Variants in ZMIZ1 observed in about 807,000 individuals in gnomAD.
ZMIZ1 encodes the protein zinc finger MIZ domain-containing protein 1.
A neutral mutation model predicts 113.9 loss-of-function variants in ZMIZ1; 17 were observed. The ratio of observed to expected loss-of-function variants is 0.15; its 90% confidence interval spans 0.10 to 0.22. The LOEUF (loss-of-function observed/expected upper bound fraction) is 0.22, where lower values mean the gene tolerates loss of function less well. Among genes scored for constraint, ZMIZ1 ranks in the 10% least tolerant of loss-of-function variants. The pLI is 1.00. For missense variants in ZMIZ1, 1,059 were observed against 1,477.8 expected (o/e 0.72, Z 4.65); for synonymous variants, 607 against 603.1 (o/e 1.01, Z -0.09).
intron 8 of ZMIZ1, among the ~76,000 whole-genome samples, chr10:79,282,272 T>A (rs1025661264): frequency 6.6e-6 from 1 of 152,244 alleles, no homozygotes; most frequent in Non-Finnish European, 1.5e-5. Context: ...ATTGAATGGC[T>A]TGGAGGCAGG....
At position 79,300,812 on chromosome 10, in the gene ZMIZ1, T is replaced by G; in HGVS notation, c.1889T>G (p.Val630Gly). 6.2e-7 allele frequency: 1 copy of G among 1,613,890 alleles called. No individual in the cohort carries two copies. Among genetic ancestry groups the G allele is most frequent in the Non-Finnish European group, 8.5e-7 (1 of 1,179,986 alleles). Residue 630 changes from valine to glycine, a missense_variant, in exon 17 of 25, where the codon GTC becomes GGC. Physicochemically the swap from Val to Gly is moderately radical, Grantham distance 109. This residue lies in a region of ZMIZ1 where 217 missense variants were observed against 426.9 expected (regional missense o/e 0.51). Transcript: ENST00000334512. ...MNTNWPASVQ[V>G]SVNATPLTIE... The stretch of plus-strand genomic sequence containing the variant: ...ACCAACTGGCCCGCCTCGGTGCAGG[T>G]CAGCGTGAACGCCACGCCCCTCACC...
At chr10:79,300,497 G>A (rs537958020) in intron 16 of ZMIZ1, among the ~76,000 whole-genome samples, 1 of 152,242 alleles carries the variant, frequency 6.6e-6, no homozygotes, top group South Asian at 2.1e-4. Context: ...TAGAGCTGTG[G>A]GGTGTGATGG....
intron 24 of ZMIZ1, 74 bp from the exon 25 acceptor site, chr10:79,312,568 G>A (rs1037414894): frequency 6.0e-5 from 90 of 1,506,930 alleles, no homozygotes; most frequent in Non-Finnish European, 6.7e-5. Flanking sequence ...GGGCCAGGGC[G>A]CCCCTGCATT....
chr10:79,214,260 C>G (rs1014976597), intron 6 of ZMIZ1, among the ~76,000 whole-genome samples: 3 of 152,152 alleles, frequency 2.0e-5, no homozygotes, highest in Admixed American at 6.5e-5. Context: ...AAACAGAGCC[C>G]GTGGGAAAGA....
chr10:79,243,548 C>T (rs1218710128), intron 7 of ZMIZ1: 2 of 146,490 alleles, frequency 1.4e-5, no homozygotes, highest in East Asian at 3.9e-4. Context: ...GGCGCCGGAC[C>T]CGCCCGGGCC....
At chr10:79,212,055 CA>C (rs1225174090) in intron 6 of ZMIZ1, among the ~76,000 whole-genome samples, 1 of 152,188 alleles carries the variant, frequency 6.6e-6, no homozygotes, top group Non-Finnish European at 1.5e-5. Flanking sequence ...GTTTTGTGAC[CA>C]GCAGGCTGGA....
At chr10:79,193,675 A>G (rs1205521921) in intron 4 of ZMIZ1, among the ~76,000 whole-genome samples, 1 of 152,178 alleles carries the variant, frequency 6.6e-6, no homozygotes. Flanking sequence ...GGGGTGTGTG[A>G]CAGCGACATG....
In ZMIZ1 at chr10:79,296,137, G is replaced by A; in HGVS notation, c.1231-334G>A. On this transcript the variant is annotated intron_variant, in intron 12 of 24. Coordinates refer to ENST00000334512, the MANE Select transcript of ZMIZ1 (RefSeq NM_020338.4). The surrounding 1 kb of genome is among the most constrained non-coding windows in gnomAD (Gnocchi z 4.1). ...CATTGGGGAGCACAGCCCTAACCCA[G>A]GCACCAGGAGAGACACAAAGGTCGG... 2.9e-6 allele frequency: 1 copy of A among 347,832 alleles called. No individual in the cohort carries two copies. The highest frequency in any genetic ancestry group is 2.2e-5 in the African/African-American group (1 of 46,192). The allele number at this position is 347,832 out of a possible 1,614,324, so 21.5% of individuals were successfully genotyped here. A position where few individuals can be genotyped will look rare whatever the true frequency, so the allele number is the denominator to read the frequency against.
intron 6 of ZMIZ1, among the ~76,000 whole-genome samples, chr10:79,213,869 C>T (rs749889903): frequency 6.6e-6 from 1 of 152,194 alleles, no homozygotes; most frequent in Non-Finnish European, 1.5e-5. Context: ...TAATACCTAT[C>T]TCGTGGAGCT....
intron 6 of ZMIZ1, 53 bp from the exon 7 acceptor site, chr10:79,216,116 C>A (rs1418724404): frequency 5.3e-6 from 7 of 1,326,654 alleles, no homozygotes; most frequent in Non-Finnish European, 6.0e-6. Context: ...ATGGGCATAT[C>A]CATTGGCTCT....
intron 1 of ZMIZ1, among the ~76,000 whole-genome samples, chr10:79,099,108 C>G (rs1355328293): frequency 6.6e-6 from 1 of 152,172 alleles, no homozygotes; most frequent in Admixed American, 6.5e-5. Flanking sequence ...ACCCCCTCCT[C>G]GACACCCACC....
chr10:79,233,561 G>A lies in ZMIZ1; in HGVS notation c.280+17287G>A, dbSNP rs535891287. On this transcript the variant is annotated intron_variant, in intron 7 of 24. Transcript: ENST00000334512. ...CCCCAGCTCTTCGTACCATCTCAAT[G>A]GATTAGATTTCAACACGTTAACTTA... Among the ~76,000 whole-genome samples, 35 of 152,292 alleles carry A rather than the reference G, an allele frequency of 2.3e-4. No individual in the cohort carries two copies. In the South Asian group the frequency reaches 7.1e-3, roughly 31 times the overall value.
chr10:79,223,388 C>G (rs971507820), intron 7 of ZMIZ1, among the ~76,000 whole-genome samples: 1 of 152,236 alleles, frequency 6.6e-6, no homozygotes, highest in Non-Finnish European at 1.5e-5. Flanking sequence ...GGACAGACTT[C>G]TTCCTGGACA....
intron 6 of ZMIZ1, among the ~76,000 whole-genome samples, chr10:79,212,683 G>A (rs967469335): frequency 5.3e-5 from 8 of 151,806 alleles, no homozygotes; most frequent in African/African-American, 1.9e-4. Context: ...TTGAACTCAG[G>A]AGGCGGAGGT....
chr10:79,102,841 T>C (rs900881047), intron 1 of ZMIZ1, among the ~76,000 whole-genome samples: 1 of 152,224 alleles, frequency 6.6e-6, no homozygotes, highest in Non-Finnish European at 1.5e-5. Flanking sequence ...GACAGAATCG[T>C]AGCTGTTCAC....
At chr10:79,114,254 T>G (rs1263124032) in intron 1 of ZMIZ1, among the ~76,000 whole-genome samples, 1 of 152,044 alleles carries the variant, frequency 6.6e-6, no homozygotes, top group Non-Finnish European at 1.5e-5. Context: ...TTTTTCCCCC[T>G]GTTTAATGGC....
chr10:79,188,323 G>A (rs1425500467), intron 4 of ZMIZ1, among the ~76,000 whole-genome samples: 1 of 152,110 alleles, frequency 6.6e-6, no homozygotes, highest in Non-Finnish European at 1.5e-5. Context: ...CTCCGCCTCA[G>A]GCAGCTCATG....
chr10:79,246,625 C>A (rs895993092), intron 7 of ZMIZ1, among the ~76,000 whole-genome samples: 2 of 152,124 alleles, frequency 1.3e-5, no homozygotes, highest in Admixed American at 6.5e-5. Context: ...CTCACCCTTG[C>A]TCTTGCCCCG....
intron 2 of ZMIZ1, among the ~76,000 whole-genome samples, chr10:79,137,294 T>C (rs984015974): frequency 6.6e-6 from 1 of 152,128 alleles, no homozygotes; most frequent in Non-Finnish European, 1.5e-5. Context: ...CTCTGAGCTG[T>C]AGTCTACACT....
Sources: gnomAD v4.1 joint callset for allele counts (sites outside exome capture counted in the v4.1 genomes callset) on GRCh38, gnomAD v4.1.1 for gene constraint, gnomAD v4.1.1 regional missense constraint, Gnocchi (gnomAD v3.1) non-coding constraint, MANE v1.5 for transcripts, NCBI Gene and HGNC (gene_info 2026-07-23, HGNC 2026-07-21) for gene names.